ULK4: variants seen among roughly 807,000 people sequenced by gnomAD.
ULK4 encodes unc-51 like kinase 4.
A neutral mutation model predicts 160.6 loss-of-function variants in ULK4; 133 were observed. That is an observed-to-expected ratio of 0.83 (90% confidence interval 0.72 to 0.96). The LOEUF is 0.96. Among genes scored for constraint, ULK4 ranks in the 40% least tolerant of loss-of-function variants. ULK4 has a pLI of 0.00. For synonymous variants in ULK4, 534 were observed against 539.8 expected, an observed-to-expected ratio of 0.99 and a Z score of 0.15; for missense variants, 1,580 against 1,499.5, an observed-to-expected ratio of 1.05 and a Z score of -0.89.
intron 30 of ULK4, among the ~76,000 whole-genome samples, chr3:41,649,554 G>C (rs752379125): frequency 5.9e-5 from 9 of 152,220 alleles, no homozygotes; most frequent in Admixed American, 5.9e-4. Flanking sequence ...GGCCGAGCCT[G>C]GGCACTGTCG....
chr3:41,614,380 CA>C (rs2032853746), intron 31 of ULK4, among the ~76,000 whole-genome samples: 1 of 152,208 alleles, frequency 6.6e-6, no homozygotes, highest in Non-Finnish European at 1.5e-5. Context: ...TTTGCTAGAC[CA>C]CTGTCCTCCA....
At chr3:41,895,987 G>A (rs1053514993) in intron 15 of ULK4, among the ~76,000 whole-genome samples, 1 of 152,086 alleles carries the variant, frequency 6.6e-6, no homozygotes, top group African/African-American at 2.4e-5. Flanking sequence ...GCTTAAACAT[G>A]AGCCAAAAGA....
rs188694486 is a variant in ULK4 at position 41,522,860 on chromosome 3, C to A, written c.3226+43165G>T. Among the ~76,000 whole-genome samples, 539 of 152,292 alleles carry A rather than the reference C, an allele frequency of 3.5e-3. 4 individuals carry two copies. Among genetic ancestry groups the A allele is most frequent in the African/African-American group, 0.012 (510 of 41,546 alleles). On this transcript the variant is annotated intron_variant, in intron 32 of 36. Coordinates refer to ENST00000301831, the MANE Select transcript of ULK4 (RefSeq NM_017886.4). Reference sequence around the variant, plus strand: ...CAGCTGTGTGTTATCACAAGAGGAACTGGGTAAGAACTGGTGAAAAAACAG... The same window carrying A: ...CAGCTGTGTGTTATCACAAGAGGAAATGGGTAAGAACTGGTGAAAAAACAG...
At chr3:41,859,849 T>C (rs1057411702) in intron 17 of ULK4, among the ~76,000 whole-genome samples, 50 of 132,010 alleles carry the variant, frequency 3.8e-4, no homozygotes, top group Non-Finnish European at 7.6e-4. Flanking sequence ...TTTTTTTTTT[T>C]AGTAGAAACA....
At chr3:41,560,227 T>C (rs2087510742) in intron 32 of ULK4, among the ~76,000 whole-genome samples, 2 of 152,206 alleles carry the variant, frequency 1.3e-5, no homozygotes, top group African/African-American at 2.4e-5. Flanking sequence ...TCTATATATC[T>C]GATTTGGTAC....
chr3:41,882,539 T>C (rs944014667), intron 17 of ULK4, among the ~76,000 whole-genome samples: 1 of 152,240 alleles, frequency 6.6e-6, no homozygotes, highest in African/African-American at 2.4e-5. Flanking sequence ...TCCTCTTTCT[T>C]TCTGAATCCT....
chr3:41,934,492 A>G (rs560108926), intron 4 of ULK4, among the ~76,000 whole-genome samples: 48 of 152,372 alleles, frequency 3.2e-4, no homozygotes, highest in African/African-American at 1.1e-3. Context: ...TATAAACACA[A>G]TAACTGACAT....
intron 34 of ULK4, among the ~76,000 whole-genome samples, chr3:41,408,002 G>A (rs1032483092): frequency 1.1e-4 from 16 of 152,034 alleles, no homozygotes; most frequent in Non-Finnish European, 1.0e-4. Flanking sequence ...CAGGGTATGA[G>A]ATCGATATAC....
chr3:41,608,877 A>G (rs2032516179), intron 31 of ULK4, among the ~76,000 whole-genome samples: 1 of 152,230 alleles, frequency 6.6e-6, no homozygotes, highest in Non-Finnish European at 1.5e-5. Context: ...AACAAAAACT[A>G]TAAAAGCTTC....
chr3:41,499,174 C>G (rs534831257), intron 32 of ULK4, among the ~76,000 whole-genome samples: 53 of 152,260 alleles, frequency 3.5e-4, no homozygotes, highest in Middle Eastern at 3.4e-3. Flanking sequence ...CATTCATTCC[C>G]TTGCCAATAT....
rs1391104035 is a variant in ULK4 at position 41,246,746 on chromosome 3, T to G, written c.*183A>C. The G allele has an allele frequency of 4.9e-6, 3 of 616,072 alleles. No homozygotes were observed. Among genetic ancestry groups the G allele is most frequent in the Non-Finnish European group, 8.5e-6 (3 of 354,318 alleles). The allele number at this position is 616,072 out of a possible 1,614,324, so 38.2% of individuals were successfully genotyped here. A position where few individuals can be genotyped will look rare whatever the true frequency, so the allele number is the denominator to read the frequency against. ...CCACAGGAACCAAGGAAGTCCATTCTGAGTCAGTTTTCTAGGCCCTGGGGT... is the reference window on the plus strand; with the variant it reads ...CCACAGGAACCAAGGAAGTCCATTCGGAGTCAGTTTTCTAGGCCCTGGGGT... On this transcript the variant is annotated 3_prime_UTR_variant, in exon 37 of 37. Coordinates refer to ENST00000301831, the MANE Select transcript of ULK4 (RefSeq NM_017886.4).
intron 17 of ULK4, among the ~76,000 whole-genome samples, chr3:41,848,252 G>A (rs1353125514): frequency 6.7e-6 from 1 of 148,934 alleles, no homozygotes; most frequent in Non-Finnish European, 1.5e-5. Context: ...AGCAAGTAAA[G>A]TGCATAAGTA....
At chr3:41,515,517 G>C (rs963839477) in intron 32 of ULK4, among the ~76,000 whole-genome samples, 1 of 152,178 alleles carries the variant, frequency 6.6e-6, no homozygotes, top group Non-Finnish European at 1.5e-5. Flanking sequence ...ATTTATAAAG[G>C]AAAGAGGTTT....
At chr3:41,345,932 G>A (rs1051506859) in intron 35 of ULK4, among the ~76,000 whole-genome samples, 3 of 152,094 alleles carry the variant, frequency 2.0e-5, no homozygotes, top group South Asian at 2.1e-4. Context: ...GGGGGGAGGT[G>A]AGGACAGGGG....
At chr3:41,625,523 T>G (rs1475838854) in intron 30 of ULK4, among the ~76,000 whole-genome samples, 5 of 152,126 alleles carry the variant, frequency 3.3e-5, no homozygotes, top group African/African-American at 1.2e-4. Flanking sequence ...GGAGAGCAGC[T>G]CCGGTGCTCA....
chr3:41,364,631 G>A (rs986647597), intron 35 of ULK4, among the ~76,000 whole-genome samples: 1 of 152,074 alleles, frequency 6.6e-6, no homozygotes, highest in Non-Finnish European at 1.5e-5. Flanking sequence ...AATGCTGAAT[G>A]TTATCATTAT....
In ULK4 at chr3:41,251,895, A is replaced by G. The variant is rs562780337; in HGVS notation, c.3679-2321T>C. On this transcript the variant is annotated intron_variant, in intron 35 of 36. Transcript: ENST00000301831. ...GAGAATGAATCAAGAAGAGCTTAGTAAAGTTACTCCATAAAACTGTTTATG... is the reference window on the plus strand; with the variant it reads ...GAGAATGAATCAAGAAGAGCTTAGTGAAGTTACTCCATAAAACTGTTTATG... Among the ~76,000 whole-genome samples, 9 of 152,340 alleles carry G rather than the reference A, an allele frequency of 5.9e-5. No individual in the cohort carries two copies. In the South Asian group the frequency reaches 1.9e-3, roughly 32 times the overall value.
At chr3:41,472,245 T>C (rs1309778676) in intron 32 of ULK4, among the ~76,000 whole-genome samples, 1 of 151,350 alleles carries the variant, frequency 6.6e-6, no homozygotes, top group African/African-American at 2.4e-5. Flanking sequence ...CCTAAACACA[T>C]ATAACCTACT....
At chr3:41,588,018 C>G (rs1050820080) in intron 31 of ULK4, among the ~76,000 whole-genome samples, 1 of 152,234 alleles carries the variant, frequency 6.6e-6, no homozygotes, top group South Asian at 2.1e-4. Context: ...TATACAAAGA[C>G]ACTAGAAGTT....
Sources: gnomAD v4.1 joint callset for allele counts (sites outside exome capture counted in the v4.1 genomes callset) on GRCh38, gnomAD v4.1.1 for gene constraint, MANE v1.5 for transcripts, NCBI Gene and HGNC (gene_info 2026-07-23, HGNC 2026-07-21) for gene names.